Variants in NUMB observed in about 807,000 individuals in gnomAD.
The protein encoded by NUMB is protein numb homolog.
In NUMB, 29 loss-of-function variants were observed where a neutral mutation model predicts 59.7. The observed-to-expected ratio is 0.49, with a 90% CI of 0.36 to 0.66. The LOEUF is 0.66. Among genes scored for constraint, NUMB ranks in the 30% least tolerant of loss-of-function variants. NUMB has a pLI of 0.00. For synonymous variants in NUMB, 288 were observed against 288.2 expected (o/e 1.00, Z 0.01); for missense variants, 723 against 822.0 (o/e 0.88, Z 1.47).
intron 4 of NUMB, among the ~76,000 whole-genome samples, chr14:73,350,050 TAC>T: frequency 7.4e-6 from 1 of 134,362 alleles, no homozygotes; most frequent in African/African-American, 3.2e-5. Flanking sequence ...CTCACATACA[TAC>T]ATACATATAT....
chr14:73,341,396 G>A (rs1231823513), intron 4 of NUMB, among the ~76,000 whole-genome samples: 2 of 152,142 alleles, frequency 1.3e-5, no homozygotes, highest in South Asian at 2.1e-4. Flanking sequence ...GGATGTGTGG[G>A]TTAAGTCATC....
chr14:73,318,674 T>C (rs1172734840), intron 5 of NUMB, among the ~76,000 whole-genome samples: 1 of 152,262 alleles, frequency 6.6e-6, no homozygotes, highest in Non-Finnish European at 1.5e-5. Context: ...TAGTGATTTC[T>C]GTCATTTATC....
At chr14:73,340,908 A>T (rs1043612305) in intron 4 of NUMB, among the ~76,000 whole-genome samples, 1 of 152,196 alleles carries the variant, frequency 6.6e-6, no homozygotes, top group Non-Finnish European at 1.5e-5. Context: ...AGTTTCCCCC[A>T]TGCTGTTCTC....
intron 2 of NUMB, among the ~76,000 whole-genome samples, chr14:73,406,177 G>A (rs1419317889): frequency 6.6e-6 from 1 of 150,588 alleles, no homozygotes. Context: ...CATGTGCCAC[G>A]TTGGTGTGCT....
chr14:73,397,048 C>T (rs187788612), intron 2 of NUMB, among the ~76,000 whole-genome samples: 15 of 152,140 alleles, frequency 9.9e-5, no homozygotes, highest in Non-Finnish European at 1.9e-4. Context: ...CACTTGAACC[C>T]GGGAGGCAGA....
intron 1 of NUMB, among the ~76,000 whole-genome samples, chr14:73,447,079 G>A (rs890895357): frequency 6.7e-6 from 1 of 149,426 alleles, no homozygotes; most frequent in East Asian, 2.0e-4. Context: ...CCAGCTACTC[G>A]GGGAGGCCGA....
intron 4 of NUMB, among the ~76,000 whole-genome samples, chr14:73,340,037 AG>A (rs1355768934): frequency 6.6e-6 from 1 of 152,146 alleles, no homozygotes; most frequent in Non-Finnish European, 1.5e-5. Context: ...AGTTGGAAGC[AG>A]GCACAGAGAT....
chr14:73,299,672 A>G (rs1186904277), intron 6 of NUMB, among the ~76,000 whole-genome samples: 2 of 152,096 alleles, frequency 1.3e-5, no homozygotes, highest in African/African-American at 4.8e-5. Flanking sequence ...ATCGTGATAC[A>G]GAAGTAGAAG....
Position 73,284,121 on chromosome 14 carries a change from G to A in NUMB, c.909C>T (p.Ser303=). The A allele has an allele frequency of 6.2e-7, 1 of 1,614,188 alleles. No homozygotes were observed. The highest frequency in any genetic ancestry group is 8.5e-7 in the Non-Finnish European group (1 of 1,180,024). ...GGAAATCAGTCTTCCTCTGCATAGT[G>A]GAAGGCAACTCATTGATGCGTAGGG... ...QLSLRINELP[S]TMQRKTDFPI... Residue 303 remains serine, a synonymous_variant, in exon 10 of 13, where the codon TCC becomes TCT. Coordinates refer to ENST00000555238, the MANE Select transcript of NUMB (RefSeq NM_001005743.2).
chr14:73,452,389 G>C (rs944134815), intron 1 of NUMB, among the ~76,000 whole-genome samples: 1 of 151,432 alleles, frequency 6.6e-6, no homozygotes, highest in African/African-American at 2.4e-5. Context: ...AACAAAACTG[G>C]GCAGCCTGTA....
chr14:73,321,589 G>C (rs947003661), intron 5 of NUMB, among the ~76,000 whole-genome samples: 1 of 152,052 alleles, frequency 6.6e-6, no homozygotes, highest in African/African-American at 2.4e-5. Flanking sequence ...TTTTAAATTT[G>C]GTTTTGACAA....
intron 6 of NUMB, among the ~76,000 whole-genome samples, chr14:73,301,957 C>T (rs1273355582): frequency 6.6e-6 from 1 of 152,086 alleles, no homozygotes; most frequent in African/African-American, 2.4e-5. Context: ...GGGGCACGTG[C>T]CTGTAATTCC....
At chr14:73,284,830 C>CTTTATTTATTTATTTATTTATTTATTTA in intron 9 of NUMB, 1 of 151,356 alleles carries the variant, frequency 6.6e-6, no homozygotes, top group East Asian at 1.9e-4. Context: ...ATATAACAGT[C>CTTTATTTATTTATTTATTTATTTATTTA]TTTATTTATT....
intron 1 of NUMB, among the ~76,000 whole-genome samples, chr14:73,451,330 G>A (rs1377707542): frequency 5.9e-5 from 9 of 151,644 alleles, no homozygotes; most frequent in East Asian, 1.9e-4. Context: ...CCAGCTATTC[G>A]GGAGGCTAAA....
At chr14:73,279,964 C>T (rs1481008092) in intron 11 of NUMB, among the ~76,000 whole-genome samples, 1 of 152,188 alleles carries the variant, frequency 6.6e-6, no homozygotes, top group Non-Finnish European at 1.5e-5. Flanking sequence ...CGAGACCAGC[C>T]TGGCCAACGT....
intron 4 of NUMB, among the ~76,000 whole-genome samples, chr14:73,354,827 C>A (rs867808091): frequency 2.2e-3 from 178 of 82,298 alleles, no homozygotes; most frequent in African/African-American, 4.7e-3. Context: ...GACTGTGCCT[C>A]AAAAAAAAAA....
chr14:73,417,636 A>G (rs1356155593), intron 1 of NUMB, among the ~76,000 whole-genome samples: 1 of 152,238 alleles, frequency 6.6e-6, no homozygotes, highest in African/African-American at 2.4e-5. Context: ...TGGTTACTCA[A>G]ATTAAACATA....
At chr14:73,370,453 A>G (rs1894608275) in intron 2 of NUMB, among the ~76,000 whole-genome samples, 2 of 152,330 alleles carry the variant, frequency 1.3e-5, no homozygotes, top group South Asian at 4.1e-4. Flanking sequence ...GCACTTTGGG[A>G]GGCCGAGGTG....
At chr14:73,389,510 G>T (rs1895739695) in intron 2 of NUMB, among the ~76,000 whole-genome samples, 2 of 151,802 alleles carry the variant, frequency 1.3e-5, no homozygotes, top group South Asian at 4.2e-4. Flanking sequence ...TTTTAGTAGA[G>T]ACAGGGTTTC....
Sources: allele counts gnomAD v4.1 joint callset (sites outside exome capture counted in the v4.1 genomes callset), GRCh38; gene constraint gnomAD v4.1.1; transcripts MANE v1.5; gene names NCBI Gene and HGNC (gene_info 2026-07-23, HGNC 2026-07-21).